The following TENM4 variants were observed in gnomAD, a reference collection of about 807,000 sequenced individuals.
TENM4 encodes the protein teneurin-4.
A neutral mutation model predicts 243.3 loss-of-function variants in TENM4; 82 were observed. The observed-to-expected ratio is 0.34, with a 90% CI of 0.28 to 0.40. TENM4 has a LOEUF of 0.40. Ranked by LOEUF, TENM4 falls within the 10% of genes least tolerant of loss-of-function variation. The probability of loss-of-function intolerance (pLI) is 1.00; values close to 1 mark genes in which losing one functional copy is unlikely to be tolerated. For synonymous variants in TENM4, 1,412 were observed against 1,456.3 expected (o/e 0.97, Z 0.69); for missense variants, 3,138 against 3,673.3 (o/e 0.85, Z 3.77).
chr11:78,893,780 T>TACACACACACACAC (rs368536086), intron 7 of TENM4, among the ~76,000 whole-genome samples: 23 of 142,754 alleles, frequency 1.6e-4, no homozygotes, highest in African/African-American at 4.2e-4. Flanking sequence ...GGACTTCACA[T>TACACACACACACAC]ACACACACAC....
At chr11:79,237,156 A>C (rs1352520558) in intron 2 of TENM4, among the ~76,000 whole-genome samples, 1 of 152,132 alleles carries the variant, frequency 6.6e-6, no homozygotes, top group Non-Finnish European at 1.5e-5. Context: ...CGTCTGTCCC[A>C]AAACTGTAAG....
At chr11:79,398,550 C>G (rs1190514817) in intron 1 of TENM4, among the ~76,000 whole-genome samples, 1 of 151,984 alleles carries the variant, frequency 6.6e-6, no homozygotes, top group Admixed American at 6.5e-5. Flanking sequence ...GGAATATAAA[C>G]CACTTGTAAT....
chr11:78,994,207 C>A (rs1858116056), intron 6 of TENM4, among the ~76,000 whole-genome samples: 1 of 152,176 alleles, frequency 6.6e-6, no homozygotes, highest in Non-Finnish European at 1.5e-5. Context: ...ATCTCTCAGC[C>A]TGGTGTGAAT....
intron 9 of TENM4, among the ~76,000 whole-genome samples, chr11:78,870,831 G>A (rs570469061): frequency 6.6e-6 from 1 of 152,278 alleles, no homozygotes; most frequent in African/African-American, 2.4e-5. Flanking sequence ...CTTAACTGGA[G>A]GGCACTGAAA....
intron 6 of TENM4, among the ~76,000 whole-genome samples, chr11:78,971,659 T>C (rs1857549517): frequency 6.6e-6 from 1 of 152,164 alleles, no homozygotes; most frequent in African/African-American, 2.4e-5. Context: ...TAAACTGATT[T>C]TTAAAATGTG....
chr11:79,369,626 G>C (rs1590916235), intron 1 of TENM4, among the ~76,000 whole-genome samples: 1 of 152,288 alleles, frequency 6.6e-6, no homozygotes, highest in South Asian at 2.1e-4. Flanking sequence ...AGAGGACAGG[G>C]TGAAGAAATA....
intron 3 of TENM4, among the ~76,000 whole-genome samples, chr11:79,180,868 C>CAT (rs944918357): frequency 4.7e-5 from 7 of 150,078 alleles, no homozygotes; most frequent in Admixed American, 4.0e-4. Flanking sequence ...TATACACACA[C>CAT]ATATATATAT....
At chr11:78,836,077 G>A (rs192337678) in intron 12 of TENM4, among the ~76,000 whole-genome samples, 2 of 152,262 alleles carry the variant, frequency 1.3e-5, no homozygotes, top group African/African-American at 4.8e-5. Flanking sequence ...TCAGGGTTGG[G>A]GGCAGTATGG....
chr11:78,903,553 GT>G (rs940900826), intron 6 of TENM4, 30 bp from the exon 7 acceptor site: 3 of 1,541,836 alleles, frequency 1.9e-6, no homozygotes, highest in South Asian at 1.2e-5. Flanking sequence ...GTCAGCGGCG[GT>G]GAGCTTGGTG....
At chr11:79,355,514 C>T (rs928405774) in intron 1 of TENM4, among the ~76,000 whole-genome samples, 2 of 105,360 alleles carry the variant, frequency 1.9e-5, no homozygotes, top group East Asian at 4.8e-4. Flanking sequence ...GCCTGGGTGA[C>T]AGAGCGAGAC....
At chr11:79,189,868 G>T (rs1863445963) in intron 3 of TENM4, among the ~76,000 whole-genome samples, 1 of 152,202 alleles carries the variant, frequency 6.6e-6, no homozygotes. Context: ...TCCGTTGATG[G>T]CCCCACTCCT....
At chr11:78,697,911 G>A (rs1248467000) in intron 28 of TENM4, among the ~76,000 whole-genome samples, 3 of 152,104 alleles carry the variant, frequency 2.0e-5, no homozygotes, top group Admixed American at 2.0e-4. Context: ...TGAGAGTAAC[G>A]ATGCCACACA....
chr11:79,388,068 G>C (rs1858154495), intron 1 of TENM4, among the ~76,000 whole-genome samples: 1 of 152,186 alleles, frequency 6.6e-6, no homozygotes, highest in Non-Finnish European at 1.5e-5. Flanking sequence ...GTGGTACAGG[G>C]CCTTTCACAA....
chr11:79,050,699 C>A (rs917164482), intron 6 of TENM4, among the ~76,000 whole-genome samples: 1 of 152,186 alleles, frequency 6.6e-6, no homozygotes, highest in African/African-American at 2.4e-5. Context: ...AGGTACTACA[C>A]AAACTAAGTA....
chr11:78,955,884 G>A (rs1857199222), intron 6 of TENM4, among the ~76,000 whole-genome samples: 1 of 152,150 alleles, frequency 6.6e-6, no homozygotes. Context: ...CTCAATGCGG[G>A]GCCATAATGG....
chr11:78,923,468 C>G (rs935141933), intron 6 of TENM4, among the ~76,000 whole-genome samples: 28 of 152,214 alleles, frequency 1.8e-4, no homozygotes, highest in African/African-American at 6.7e-4. Flanking sequence ...GCAGGTGACC[C>G]AGTTCAAGCC....
At chr11:79,298,720 A>G (rs503267) in intron 1 of TENM4, among the ~76,000 whole-genome samples, 116,933 of 151,958 alleles carry the variant, frequency 0.77, 45,210 homozygotes, top group Middle Eastern at 0.9. Flanking sequence ...ACCCTGGGAG[A>G]GTTTACAGGG....
chr11:78,771,998 C>A (rs1352069726), intron 17 of TENM4, among the ~76,000 whole-genome samples: 2 of 152,112 alleles, frequency 1.3e-5, no homozygotes, highest in Non-Finnish European at 2.9e-5. Context: ...TCAAAGGAGA[C>A]AAATTTATGT....
At chr11:78,799,776 C>T (rs1031214001) in intron 15 of TENM4, among the ~76,000 whole-genome samples, 2 of 152,232 alleles carry the variant, frequency 1.3e-5, no homozygotes, top group African/African-American at 4.8e-5. Flanking sequence ...GAATCATAAA[C>T]CCGCAGCATG....
Sources: allele counts gnomAD v4.1 joint callset (sites outside exome capture counted in the v4.1 genomes callset), GRCh38; gene constraint gnomAD v4.1.1; transcripts MANE v1.5; gene names NCBI Gene and HGNC (gene_info 2026-07-23, HGNC 2026-07-21).